ALDH6A1: variants seen among roughly 807,000 people sequenced by gnomAD.
ALDH6A1 encodes the protein methylmalonate-semialdehyde/malonate-semialdehyde dehydrogenase [acylating], mitochondrial.
In ALDH6A1, 43 loss-of-function variants were observed where a neutral mutation model predicts 62.6. The observed-to-expected ratio is 0.69, with a 90% confidence interval of 0.54 to 0.89. The LOEUF is 0.89. Among genes scored for constraint, ALDH6A1 ranks in the 40% least tolerant of loss-of-function variants. The probability of loss-of-function intolerance (pLI) is 0.00; values close to 1 mark genes in which losing one functional copy is unlikely to be tolerated. For missense variants in ALDH6A1, 551 were observed against 661.3 expected (o/e 0.83, Z 1.83); for synonymous variants, 194 against 234.2 (o/e 0.83, Z 1.57).
rs747331785 is a variant in ALDH6A1 at position 74,064,813 on chromosome 14, A to T, written c.1503+9T>A. The T allele has an allele frequency of 6.2e-7, 1 of 1,613,920 alleles. No homozygotes were observed. The highest frequency in any genetic ancestry group is 1.7e-5 in the Admixed American group (1 of 60,022). ...AAGGAAAAGACAAAAAATTTAACTC[A>T]AAAGTTACCTGTTTGCCATAGAAAT... On this transcript the variant is annotated intron_variant, in intron 11 of 11. Transcript: ENST00000553458.
Position 74,071,368 on chromosome 14 carries a change from T to C in ALDH6A1, c.557A>G (p.Asn186Ser), listed in dbSNP as rs1180663090. 3.1e-6 allele frequency: 5 copies of C among 1,613,770 alleles called. No homozygotes were observed. The highest frequency in any genetic ancestry group is 2.2e-5 in the South Asian group (2 of 91,062). ...CCAAAGGGGGATCATGGCAGGAAAA[T>C]TGAATGGAGCAATGCCTGCACACAC... ...LGVCAGIAPFNFPAMIPLWMF... is the reference protein window; with the variant it reads ...LGVCAGIAPFSFPAMIPLWMF... The change falls in exon 6 of 12, where the codon AAT (asparagine) becomes AGT (serine). Residue 186 changes from asparagine (N) to serine (S), a missense_variant. By Grantham distance (46) the Asn-to-Ser change is conservative (BLOSUM62 1). Transcript: ENST00000553458.
At chr14:74,074,507 G>A (rs2060590348) in intron 2 of ALDH6A1, among the ~76,000 whole-genome samples, 2 of 147,414 alleles carry the variant, frequency 1.4e-5, no homozygotes, top group Admixed American at 6.8e-5. Context: ...GGATGGTCTC[G>A]ATCTCTTGAC....
chr14:74,082,485 C>T (rs1380017489), intron 1 of ALDH6A1, among the ~76,000 whole-genome samples: 7 of 148,598 alleles, frequency 4.7e-5, no homozygotes, highest in African/African-American at 1.2e-4. Context: ...CTGCAACCTC[C>T]GTCTTCCGGG....
intron 1 of ALDH6A1, chr14:74,081,091 T>C (rs1035761286): frequency 3.3e-5 from 5 of 152,176 alleles, no homozygotes; most frequent in African/African-American, 1.2e-4. Context: ...ATCATCACTT[T>C]CTCTAGGAAG....
chr14:74,083,952 G>A lies in ALDH6A1; in HGVS notation c.48+395C>T, dbSNP rs904437419. ...GGCAAAGTGGACGCTCACGGCAGGGGACAGAGTAACCAAAAAGAGTAGTTT... is the reference window on the plus strand; with the variant it reads ...GGCAAAGTGGACGCTCACGGCAGGGAACAGAGTAACCAAAAAGAGTAGTTT... On this transcript the variant is annotated intron_variant, in intron 1 of 11. Transcript: ENST00000553458. Among the ~76,000 whole-genome samples the A allele has an allele frequency of 6.6e-5, 10 of 152,280 alleles. 1 individual carries two copies. The Middle Eastern group carries it at 0.017, about 259-fold the overall frequency.
At position 74,060,190 on chromosome 14, in the gene ALDH6A1, A is replaced by G. The variant is rs1274630789; in HGVS notation, c.*452T>C. ...TTTTTTACTTTTTCAATTTTTTTAAATAATAGATACGGGGTTTCGCCACGT... is the reference window on the plus strand; with the variant it reads ...TTTTTTACTTTTTCAATTTTTTTAAGTAATAGATACGGGGTTTCGCCACGT... On this transcript the variant is annotated 3_prime_UTR_variant, in exon 12 of 12. Transcript: ENST00000553458. 6.5e-6 allele frequency: 1 copy of G among 155,012 alleles called. No individual in the cohort carries two copies. Among genetic ancestry groups the G allele is most frequent in the African/African-American group, 2.4e-5 (1 of 41,418 alleles). 9.6% of individuals were successfully genotyped at this position (155,012 alleles called of 1,614,324 possible).
intron 1 of ALDH6A1, among the ~76,000 whole-genome samples, chr14:74,078,822 C>T (rs2060641056): frequency 6.6e-6 from 1 of 151,778 alleles, no homozygotes; most frequent in Admixed American, 6.6e-5. Context: ...AGCCACTGCA[C>T]CTGGCCACAT....
chr14:74,067,478 T>A lies in ALDH6A1; in HGVS notation c.944A>T (p.Gln315Leu). The A allele has an allele frequency of 6.2e-7, 1 of 1,614,210 alleles. No individual in the cohort carries two copies. The highest frequency in any genetic ancestry group is 8.5e-7 in the Non-Finnish European group (1 of 1,180,032). ...LVGAAFGAAG[Q>L]RCMALSTAVL... ...TGCTGTTGAAAGAGCCATGCAGCGCTGACCAGCAGCTCCAAATGCTGCCCC... is the reference window on the plus strand; with the variant it reads ...TGCTGTTGAAAGAGCCATGCAGCGCAGACCAGCAGCTCCAAATGCTGCCCC... The change falls in exon 8 of 12, where the codon CAG becomes CTG. Residue 315 changes from glutamine (Q) to leucine (L), a missense_variant. By Grantham distance (113) the Gln-to-Leu change is moderately radical. Coordinates refer to ENST00000553458, the MANE Select transcript of ALDH6A1 (RefSeq NM_005589.4).
At chr14:74,080,368 C>CTT (rs35450547) in intron 1 of ALDH6A1, among the ~76,000 whole-genome samples, 32,658 of 128,870 alleles carry the variant, frequency 0.25, 5,500 homozygotes, top group African/African-American at 0.43. Context: ...TAAACTCTTT[C>CTT]TTTTTTTTTT....
chr14:74,069,850 C>CTTTTTT (rs779619553), intron 6 of ALDH6A1, among the ~76,000 whole-genome samples: 4 of 122,558 alleles, frequency 3.3e-5, no homozygotes, highest in Non-Finnish European at 5.0e-5. Context: ...CTAATCTAAC[C>CTTTTTT]TTTTTTTTTT....
Position 74,057,848 on chromosome 14 carries a change from G to A in ALDH6A1, c.*2794C>T, listed in dbSNP as rs1045318190. 3.7e-5 allele frequency: 38 copies of A among 1,033,986 alleles called. 1 individual carries two copies. The South Asian group carries it at 1.2e-3, about 33-fold the overall frequency. 64.1% of individuals were successfully genotyped at this position (1,033,986 alleles called of 1,614,324 possible). A position where few individuals can be genotyped will look rare whatever the true frequency, so the allele number is the denominator to read the frequency against. On this transcript the variant is annotated 3_prime_UTR_variant, in exon 12 of 12. Coordinates refer to ENST00000553458, the MANE Select transcript of ALDH6A1 (RefSeq NM_005589.4). ...AATAAGAAACTCTGAGCAGCAAATA[G>A]TTGGCCAGATGAGTTGTTTCTAATT...
intron 7 of ALDH6A1, 97 bp downstream of exon 7, chr14:74,068,763 A>G (rs2060507871): frequency 7.1e-7 from 1 of 1,399,450 alleles, no homozygotes; most frequent in Non-Finnish European, 1.0e-6. Context: ...AAACACTGAC[A>G]TTGGAGTGGG....
At chr14:74,065,026 C>A in intron 10 of ALDH6A1, 106 bp from the exon 11 acceptor site, 1 of 1,367,184 alleles carries the variant, frequency 7.3e-7, no homozygotes, top group Non-Finnish European at 1.0e-6. Flanking sequence ...TCTACCCTAT[C>A]CTCTACCCCA....
chr14:74,065,792 C>T (rs140891901), intron 9 of ALDH6A1: 1 of 194,404 alleles, frequency 5.1e-6, no homozygotes, highest in East Asian at 1.4e-4. Context: ...ATAAATAATC[C>T]ATTCTTATTC....
chr14:74,063,640 C>A (rs1427099263), intron 11 of ALDH6A1, among the ~76,000 whole-genome samples: 1 of 151,024 alleles, frequency 6.6e-6, no homozygotes, highest in Non-Finnish European at 1.5e-5. Context: ...CTGAGGCAGG[C>A]GGATCACCTG....
intron 1 of ALDH6A1, among the ~76,000 whole-genome samples, chr14:74,077,168 TC>T (rs1441056267): frequency 6.6e-6 from 1 of 152,180 alleles, no homozygotes; most frequent in Admixed American, 6.6e-5. Context: ...ATAGCTATGT[TC>T]CCAATACCAA....
At chr14:74,063,993 A>G (rs908227346) in intron 11 of ALDH6A1, among the ~76,000 whole-genome samples, 2 of 151,976 alleles carry the variant, frequency 1.3e-5, no homozygotes, top group Non-Finnish European at 2.9e-5. Context: ...CTGTATTCAT[A>G]GTGCCTAAAA....
chr14:74,077,632 A>C (rs1044505332), intron 1 of ALDH6A1, among the ~76,000 whole-genome samples: 9 of 152,202 alleles, frequency 5.9e-5, no homozygotes, highest in African/African-American at 2.2e-4. Context: ...CAAAAGAGCA[A>C]GAATTCACTC....
intron 1 of ALDH6A1, among the ~76,000 whole-genome samples, chr14:74,075,858 A>C (rs1049595448): frequency 6.6e-6 from 1 of 152,234 alleles, no homozygotes; most frequent in African/African-American, 2.4e-5. Flanking sequence ...TGAATAAGGA[A>C]ACTAATGTGG....
Sources: allele counts gnomAD v4.1 joint callset (sites outside exome capture counted in the v4.1 genomes callset), GRCh38; gene constraint gnomAD v4.1.1; transcripts MANE v1.5; gene names NCBI Gene and HGNC (gene_info 2026-07-23, HGNC 2026-07-21).